The following PRR7 variants were observed in gnomAD, a reference collection of about 807,000 sequenced individuals.
PRR7 encodes proline rich 7, synaptic.
A neutral mutation model predicts 18.5 loss-of-function variants in PRR7; 8 were observed. That is an observed-to-expected ratio of 0.43 (90% CI 0.25 to 0.78). The LOEUF is 0.78. PRR7 is among the 30% of genes least tolerant of loss of function. The pLI, the probability that PRR7 is intolerant of heterozygous loss-of-function variation, is 0.22. For missense variants in PRR7, 396 were observed against 403.1 expected (o/e 0.98, Z 0.15); for synonymous variants, 221 against 187.7 (o/e 1.18, Z -1.45).
chr5:177,452,807 CCT>C (rs1176466652), intron 1 of PRR7, among the ~76,000 whole-genome samples: 1 of 152,184 alleles, frequency 6.6e-6, no homozygotes, highest in African/African-American at 2.4e-5. Context: ...CACAGAGGGC[CCT>C]CTCTTTTGTC....
At position 177,455,081 on chromosome 5, in the gene PRR7, A is replaced by G; in HGVS notation, c.14A>G (p.Gln5Arg). 1 of 1,474,910 alleles carries G rather than the reference A, an allele frequency of 6.8e-7. No homozygotes were observed. The allele number at this position is 1,474,910 out of a possible 1,614,324, so 91.4% of individuals were successfully genotyped here. Reference protein sequence around the residue: MVMSQGTYTFLTCFA... With the variant: MVMSRGTYTFLTCFA... ...CGTGCCGCCGCCATGGTGATGTCCC[A>G]GGGCACCTACACGTTCCTCACGTGC... is the stretch of plus-strand genomic sequence containing the variant. The change falls in exon 3 of 4, where the codon CAG (glutamine) becomes CGG (arginine). Residue 5 changes from glutamine to arginine, a missense_variant. Around this residue, in one of 2 missense-constraint regions of PRR7, gnomAD observed 13 missense variants for 30.6 expected, o/e 0.43. Transcript: ENST00000323249. This position sits in a 1 kb window ranked among gnomAD's most constrained non-coding sequence, Gnocchi z 6.9.
chr5:177,447,428 G>C (rs1211596171), intron 1 of PRR7, among the ~76,000 whole-genome samples: 7 of 152,284 alleles, frequency 4.6e-5, no homozygotes, highest in Admixed American at 3.3e-4. Context: ...GCTCCCACGT[G>C]GCTGCAGTCG....
rs991393815 is a variant in PRR7 at position 177,455,559 on chromosome 5, C to A, written c.427+65C>A. The A allele has an allele frequency of 1.4e-6, 2 of 1,424,970 alleles. No homozygotes were observed. Among genetic ancestry groups the A allele is most frequent in the East Asian group, 2.8e-5 (1 of 36,168 alleles). 88.3% of individuals were successfully genotyped at this position (1,424,970 alleles called of 1,614,324 possible). A position where few individuals can be genotyped will look rare whatever the true frequency, so the allele number is the denominator to read the frequency against. ...GGAAGTGGGCGGGCGTTGGAGGGCT[C>A]GCTGCTTACCCTCAGGGCTTCCATC... On this transcript the variant is annotated intron_variant, in intron 3 of 3. Transcript: ENST00000323249. The surrounding 1 kb of genome is among the most constrained non-coding windows in gnomAD (Gnocchi z 6.9).
At position 177,455,840 on chromosome 5, in the gene PRR7, A is replaced by G; in HGVS notation, c.544A>G (p.Thr182Ala). 1 of 1,612,124 alleles carries G rather than the reference A, an allele frequency of 6.2e-7. No individual in the cohort carries two copies. The highest frequency in any genetic ancestry group is 8.5e-7 in the Non-Finnish European group (1 of 1,179,732). ...DTRGLYRKIV[T>A]PFLSRRDSAE... ...GCGCGGCCTCTACCGCAAGATCGTC[A>G]CGCCCTTCCTGAGTCGCCGCGACAG... The change falls in exon 4 of 4, where the codon ACG becomes GCG. Residue 182 changes from threonine (T) to alanine (A), a missense_variant. Coordinates refer to ENST00000323249, the MANE Select transcript of PRR7 (RefSeq NM_030567.5). The surrounding 1 kb of genome is among the most constrained non-coding windows in gnomAD (Gnocchi z 6.9).
rs1308827955 is a variant in PRR7 at position 177,455,342 on chromosome 5, C to G, written c.275C>G (p.Ser92Trp). ...SRLEAPAHAH[S>W]HPHVHVHPLL... ...CTGGAGGCGCCGGCTCACGCGCACT[C>G]GCATCCGCACGTGCACGTGCACCCG... Residue 92 changes from serine (S) to tryptophan (W), a missense_variant, in exon 3 of 4, where the codon TCG becomes TGG. Transcript: ENST00000323249. The surrounding 1 kb of genome is among the most constrained non-coding windows in gnomAD (Gnocchi z 6.9). The G allele has an allele frequency of 6.7e-7, 1 of 1,489,968 alleles. No individual in the cohort carries two copies. Among genetic ancestry groups the G allele is most frequent in the South Asian group, 1.3e-5 (1 of 78,682 alleles). 92.3% of individuals were successfully genotyped at this position (1,489,968 alleles called of 1,614,324 possible).
At position 177,455,612 on chromosome 5, in the gene PRR7, G is replaced by T. The variant is rs960093376; in HGVS notation, c.428-112G>T. 1.4e-6 allele frequency: 2 copies of T among 1,396,738 alleles called. No homozygotes were observed. The highest frequency in any genetic ancestry group is 1.9e-6 in the Non-Finnish European group (2 of 1,075,424). 86.5% of individuals were successfully genotyped at this position (1,396,738 alleles called of 1,614,324 possible). On this transcript the variant is annotated intron_variant, in intron 3 of 3. Coordinates refer to ENST00000323249, the MANE Select transcript of PRR7 (RefSeq NM_030567.5). This position sits in a 1 kb window ranked among gnomAD's most constrained non-coding sequence, Gnocchi z 6.9. ...CAGCCTCCGGGAGAACACGGGCGGC[G>T]GCGGGCTCGGGTTCGGGCTAGGGCT...
At position 177,455,390 on chromosome 5, in the gene PRR7, A is replaced by G; in HGVS notation, c.323A>G (p.Gln108Arg). 5 of 1,493,590 alleles carry G rather than the reference A, an allele frequency of 3.3e-6. No individual in the cohort carries two copies. The highest frequency in any genetic ancestry group is 4.4e-6 in the Non-Finnish European group (5 of 1,128,208). The allele number at this position is 1,493,590 out of a possible 1,614,324, so 92.5% of individuals were successfully genotyped here. Residue 108 changes from glutamine to arginine, a missense_variant, in exon 3 of 4, where the codon CAG becomes CGG. By Grantham distance (43) the Gln-to-Arg change is conservative. Transcript: ENST00000323249. The surrounding 1 kb of genome is among the most constrained non-coding windows in gnomAD (Gnocchi z 6.9). ...CCGCTGCTGCACCACGGGCCCGCGC[A>G]GCCGCACGCGCACGCGCACCCACAC... ...VHPLLHHGPA[Q>R]PHAHAHPHPH...
intron 1 of PRR7, among the ~76,000 whole-genome samples, chr5:177,451,223 C>T (rs1455768930): frequency 2.0e-5 from 3 of 152,342 alleles, no homozygotes; most frequent in East Asian, 1.9e-4. Context: ...GAGGTGCCCA[C>T]AGCAATGCAG....
chr5:177,455,404 G>T lies in PRR7; in HGVS notation c.337G>T (p.Ala113Ser). 1 of 1,496,160 alleles carries T rather than the reference G, an allele frequency of 6.7e-7. No homozygotes were observed. The highest frequency in any genetic ancestry group is 8.9e-7 in the Non-Finnish European group (1 of 1,129,640). 92.7% of individuals were successfully genotyped at this position (1,496,160 alleles called of 1,614,324 possible). The change falls in exon 3 of 4, where the codon GCG (alanine) becomes TCG (serine). Residue 113 changes from alanine to serine, a missense_variant. By Grantham distance (99) the Ala-to-Ser change is moderately conservative. Around this residue, in one of 2 missense-constraint regions of PRR7, gnomAD observed 383 missense variants for 372.6 expected, o/e 1.03. Coordinates refer to ENST00000323249, the MANE Select transcript of PRR7 (RefSeq NM_030567.5). The surrounding 1 kb of genome is among the most constrained non-coding windows in gnomAD (Gnocchi z 6.9). ...HHGPAQPHAH[A>S]HPHPHHHALP... is the part of the protein sequence containing the mutation. Reference sequence around the variant, plus strand: ...CGGGCCCGCGCAGCCGCACGCGCACGCGCACCCACACCCGCACCACCACGC... The same window carrying T: ...CGGGCCCGCGCAGCCGCACGCGCACTCGCACCCACACCCGCACCACCACGC...
intron 1 of PRR7, among the ~76,000 whole-genome samples, chr5:177,452,361 G>A (rs978535375): frequency 6.6e-6 from 1 of 152,238 alleles, no homozygotes; most frequent in African/African-American, 2.4e-5. Flanking sequence ...AAGGGCAAGA[G>A]CTCACATAGT....
upstream of PRR7, chr5:177,446,457 A>T (rs1281480068): frequency 2.0e-5 from 3 of 152,322 alleles, no homozygotes; most frequent in African/African-American, 7.2e-5. The surrounding 1 kb of genome is among the most constrained non-coding windows in gnomAD (Gnocchi z 5.3). Flanking sequence ...GGGGACCTGG[A>T]CATGTGTGTG....
intron 1 of PRR7, among the ~76,000 whole-genome samples, chr5:177,447,955 G>A (rs558981744): frequency 6.6e-6 from 1 of 152,336 alleles, no homozygotes; most frequent in Non-Finnish European, 1.5e-5. Context: ...CCACATGGAG[G>A]TGCCTGGTCC....
In PRR7 at chr5:177,454,023, G is replaced by A. The variant is rs1340685648; in HGVS notation, c.-257G>A. Reference sequence around the variant, plus strand: ...AAGCGGAACTAGAGATGCCCATCTGGAGTGAGTGCAGGACCAGGTGGGTAC... The same window carrying A: ...AAGCGGAACTAGAGATGCCCATCTGAAGTGAGTGCAGGACCAGGTGGGTAC... On this transcript the variant is annotated 5_prime_UTR_variant, in exon 2 of 4. An upstream open reading frame in the 5' UTR gains an earlier in-frame stop. Coordinates refer to ENST00000323249, the MANE Select transcript of PRR7 (RefSeq NM_030567.5). This position sits in a 1 kb window ranked among gnomAD's most constrained non-coding sequence, Gnocchi z 4.7. 1 of 152,316 alleles carries A rather than the reference G, an allele frequency of 6.6e-6. No individual in the cohort carries two copies. The highest frequency in any genetic ancestry group is 1.5e-5 in the Non-Finnish European group (1 of 68,104). 9.4% of individuals were successfully genotyped at this position (152,316 alleles called of 1,614,324 possible). A position where few individuals can be genotyped will look rare whatever the true frequency, so the allele number is the denominator to read the frequency against.
At chr5:177,446,050 C>T (rs994357830), upstream of PRR7, 1 of 147,034 alleles carries the variant, frequency 6.8e-6, no homozygotes, top group Non-Finnish European at 1.5e-5. This position sits in a 1 kb window ranked among gnomAD's most constrained non-coding sequence, Gnocchi z 5.3. Flanking sequence ...CACTTCAACC[C>T]CAAATGTTCC....
rs377082060 is a variant in PRR7 at position 177,452,325 on chromosome 5, G to C, written c.-324-1631G>C. Among the ~76,000 whole-genome samples the C allele has an allele frequency of 4.3e-4, 65 of 152,326 alleles. 1 individual carries two copies. The East Asian group carries it at 0.01, about 24-fold the overall frequency. ...GCTGGGAGCAGCAGGCTGCAGGCAG[G>C]CTCTGAGTCTGAAAGGCTCCCAGAC... On this transcript the variant is annotated intron_variant, in intron 1 of 3. Transcript: ENST00000323249.
At chr5:177,453,312 G>A (rs529301890) in intron 1 of PRR7, among the ~76,000 whole-genome samples, 14 of 152,328 alleles carry the variant, frequency 9.2e-5, no homozygotes, top group Admixed American at 3.9e-4. Flanking sequence ...GATGGCTCAG[G>A]AAAAGAATAA....
At chr5:177,452,731 AG>A (rs1234672252) in intron 1 of PRR7, among the ~76,000 whole-genome samples, 1 of 152,238 alleles carries the variant, frequency 6.6e-6, no homozygotes, top group African/African-American at 2.4e-5. Flanking sequence ...GGCACCCAGC[AG>A]GTCCTGGGCG....
At position 177,455,934 on chromosome 5, in the gene PRR7, C is replaced by G. The variant is rs779484358; in HGVS notation, c.638C>G (p.Ala213Gly). 3 of 1,603,106 alleles carry G rather than the reference C, an allele frequency of 1.9e-6. No homozygotes were observed. Among genetic ancestry groups the G allele is most frequent in the East Asian group, 2.2e-5 (1 of 44,662 alleles). ...TTCCTGGACCGGGGCTACACCTCGG[C>G]GCTGCACCTGCCCAGCGCCCCTCGG... ...PLFLDRGYTS[A>G]LHLPSAPRPA... The change falls in exon 4 of 4, where the codon GCG becomes GGG. Residue 213 changes from alanine to glycine, a missense_variant. Physicochemically the swap from Ala to Gly is moderately conservative, Grantham distance 60. Around this residue, in one of 2 missense-constraint regions of PRR7, gnomAD observed 383 missense variants for 372.6 expected, o/e 1.03. Coordinates refer to ENST00000323249, the MANE Select transcript of PRR7 (RefSeq NM_030567.5). The surrounding 1 kb of genome is among the most constrained non-coding windows in gnomAD (Gnocchi z 6.9).
At chr5:177,452,994 C>T (rs1756229553) in intron 1 of PRR7, among the ~76,000 whole-genome samples, 1 of 152,208 alleles carries the variant, frequency 6.6e-6, no homozygotes. Context: ...CCCATGGCTG[C>T]CACTTACATC....
Sources: gnomAD v4.1 joint callset for allele counts (sites outside exome capture counted in the v4.1 genomes callset) on GRCh38, gnomAD v4.1.1 for gene constraint, gnomAD v4.1.1 regional missense constraint, Gnocchi (gnomAD v3.1) non-coding constraint, MANE v1.5 for transcripts, NCBI Gene and HGNC (gene_info 2026-07-23, HGNC 2026-07-21) for gene names.